Variants in GRTP1 observed in about 807,000 individuals in gnomAD.
GRTP1 encodes the protein growth hormone regulated TBC protein 1, also known as growth hormone-regulated TBC protein 1.
In GRTP1, 56 loss-of-function variants were observed where a neutral mutation model predicts 38.1. The observed-to-expected ratio is 1.47, with a 90% CI of 1.19 to 1.84. The LOEUF is 1.84. GRTP1 is among the 40% of genes most tolerant of loss of function. The pLI, the probability that GRTP1 is intolerant of heterozygous loss-of-function variation, is 0.00. For synonymous variants in GRTP1, 217 were observed against 189.5 expected, an observed-to-expected ratio of 1.14 and a Z score of -1.19; for missense variants, 506 against 453.9, an observed-to-expected ratio of 1.11 and a Z score of -1.04.
At chr13:113,332,604 C>T (rs933730132) in intron 5 of GRTP1, among the ~76,000 whole-genome samples, 13 of 152,370 alleles carry the variant, frequency 8.5e-5, no homozygotes, top group Middle Eastern at 6.8e-3. Flanking sequence ...AGATCCCACC[C>T]GACGGTCTTC....
chr13:113,326,085 T>C lies in GRTP1; in HGVS notation c.569A>G (p.Tyr190Cys). 1 of 1,608,106 alleles carries C rather than the reference T, an allele frequency of 6.2e-7. No individual in the cohort carries two copies. Among genetic ancestry groups the C allele is most frequent in the Non-Finnish European group, 8.5e-7 (1 of 1,179,850 alleles). ...CTTCAGGCCCAGCATGGCCGGGCTG[T>C]AGTAATCTGCCAGGCAATGTGGAGA... ...ALVGRILPDY[Y>C]SPAMLGLKTD... is the part of the protein sequence containing the mutation. The change falls in exon 6 of 8, where the codon TAC (tyrosine) becomes TGC (cysteine). Residue 190 changes from tyrosine to cysteine, a missense_variant. Coordinates refer to ENST00000375431, the MANE Select transcript of GRTP1 (RefSeq NM_024719.4).
intron 5 of GRTP1, among the ~76,000 whole-genome samples, chr13:113,331,132 AGGTGTGTGCATGGGAACCCG>A (rs1289489959): frequency 1.3e-5 from 2 of 151,996 alleles, no homozygotes; most frequent in Admixed American, 1.3e-4. Context: ...ACGAAAGCCT[AGGTGTGTGCATGGGAACCCG>A]GGTGTGTGCA....
chr13:113,326,853 TAGAA>T (rs1201959430), intron 5 of GRTP1, among the ~76,000 whole-genome samples: 2 of 152,046 alleles, frequency 1.3e-5, no homozygotes, highest in African/African-American at 2.4e-5. Context: ...TATTCAGCCT[TAGAA>T]AGGGAGGAAG....
chr13:113,346,094 ATCTGTGGCCG>A (rs1566429131), intron 4 of GRTP1, among the ~76,000 whole-genome samples: 1,206 of 55,700 alleles, frequency 0.022, 239 homozygotes, highest in African/African-American at 0.027. Context: ...CTGGGAAGAC[ATCTGTGGCCG>A]AGAACAGACC....
intron 7 of GRTP1, chr13:113,325,223 CTT>C: frequency 8.6e-7 from 1 of 1,158,434 alleles, no homozygotes; most frequent in African/African-American, 1.6e-5. Flanking sequence ...TCCACTCCCT[CTT>C]AGGAAACTAC....
rs374528768 is a variant in GRTP1 at position 113,346,316 on chromosome 13, G to A, written c.466-1357C>T. 1.1e-3 allele frequency among the ~76,000 whole-genome samples: 36 copies of A among 33,772 alleles called. 2 individuals carry two copies. Among genetic ancestry groups the A allele is most frequent in the African/African-American group, 1.7e-3 (13 of 7,574 alleles). 22.2% of individuals were successfully genotyped at this position (33,772 alleles called of 152,430 possible). ...TCTGGGAGGACCTCTGTGGCAGAGA[G>A]CAGACCCGGGAGGACCTCTGTGGCC... On this transcript the variant is annotated intron_variant, in intron 4 of 7. Transcript: ENST00000375431.
rs540512358 is a variant in GRTP1, at chr13:113,326,016, G to A, written c.638C>T (p.Pro213Leu). The change falls in exon 6 of 8, where the codon CCG becomes CTG. Residue 213 changes from proline to leucine, a missense_variant. Coordinates refer to ENST00000375431, the MANE Select transcript of GRTP1 (RefSeq NM_024719.4). ...ACGCTCCATCAGGGCCCCCACAGCC[G>A]GCAGCTTCGCCCGCACCAGCTCCCC... is the stretch of plus-strand genomic sequence containing the variant. ...VLGELVRAKL[P>L]AVGALMERLG... 22 of 1,612,844 alleles carry A rather than the reference G, an allele frequency of 1.4e-5. No individual in the cohort carries two copies. Among genetic ancestry groups the A allele is most frequent in the Middle Eastern group, 1.6e-4 (1 of 6,084 alleles).
intron 4 of GRTP1, among the ~76,000 whole-genome samples, chr13:113,346,155 TCTGTGCCTGACAGTGGACCCGGGAGGAC>T (rs2043115908): frequency 8.3e-5 from 12 of 144,920 alleles, no homozygotes; most frequent in African/African-American, 2.9e-4. Context: ...CGGGAGGACC[TCTGTGCCTGACAGTGGACCCGGGAGGAC>T]CTCTGTGGCT....
intron 3 of GRTP1, among the ~76,000 whole-genome samples, chr13:113,354,172 C>T (rs2139514227): frequency 6.6e-6 from 1 of 152,366 alleles, no homozygotes; most frequent in Non-Finnish European, 1.5e-5. Flanking sequence ...CCACCCACTG[C>T]ACCCAAGCTC....
At chr13:113,329,521 T>A (rs2042826418) in intron 5 of GRTP1, among the ~76,000 whole-genome samples, 1 of 152,104 alleles carries the variant, frequency 6.6e-6, no homozygotes, top group African/African-American at 2.4e-5. Flanking sequence ...GAGATGAAGG[T>A]TGCAGTGAGC....
chr13:113,352,362 A>ATATATATATATATTTATTTATATTT (rs71101572), intron 3 of GRTP1, among the ~76,000 whole-genome samples: 2 of 80,848 alleles, frequency 2.5e-5, no homozygotes, highest in African/African-American at 5.6e-5. Context: ...TATATATTTT[A>ATATATATATATATTTATTTATATTT]TATATATATA....
Position 113,342,682 on chromosome 13 carries a change from C to T in GRTP1, c.562+2181G>A, listed in dbSNP as rs911074601. Among the ~76,000 whole-genome samples, 11 of 152,102 alleles carry T rather than the reference C, an allele frequency of 7.2e-5. No homozygotes were observed. Among genetic ancestry groups the T allele is most frequent in the Middle Eastern group, 3.2e-3 (1 of 316 alleles). On this transcript the variant is annotated intron_variant, in intron 5 of 7. Coordinates refer to ENST00000375431, the MANE Select transcript of GRTP1 (RefSeq NM_024719.4). This position sits in a 1 kb window ranked among gnomAD's most constrained non-coding sequence, Gnocchi z 4.5. ...GAGCAGGATGACTGTGGCACTGAAACGACCTACTTCGGTCACTGTAACTTA... is the reference window on the plus strand; with the variant it reads ...GAGCAGGATGACTGTGGCACTGAAATGACCTACTTCGGTCACTGTAACTTA...
chr13:113,327,413 C>T (rs1366098552), intron 5 of GRTP1, among the ~76,000 whole-genome samples: 1 of 152,194 alleles, frequency 6.6e-6, no homozygotes, highest in Non-Finnish European at 1.5e-5. Context: ...CTCCTGACCT[C>T]ATGATCTGCC....
In GRTP1 at chr13:113,355,505, C is replaced by A. The variant is rs551192957; in HGVS notation, c.182-24G>T. 11 of 1,591,198 alleles carry A rather than the reference C, an allele frequency of 6.9e-6. No individual in the cohort carries two copies. In the Admixed American group the frequency reaches 8.5e-5, roughly 12 times the overall value. On this transcript the variant is annotated intron_variant, in intron 2 of 7. Coordinates refer to ENST00000375431, the MANE Select transcript of GRTP1 (RefSeq NM_024719.4). ...CACTGAAGGCCGAGAGGACGGACAGCGTGTGAGCTGGACCAGGGGCCTGCG... is the reference window on the plus strand; with the variant it reads ...CACTGAAGGCCGAGAGGACGGACAGAGTGTGAGCTGGACCAGGGGCCTGCG...
chr13:113,363,678 G>T, intron 2 of GRTP1, 84 bp downstream of exon 2: 2 of 1,389,814 alleles, frequency 1.4e-6, no homozygotes, highest in South Asian at 2.5e-5. Flanking sequence ...CCCTCCCTCC[G>T]CTCCGGGAGC....
intron 2 of GRTP1, 112 bp from the exon 3 acceptor site, chr13:113,355,593 A>G (rs1419210685): frequency 2.1e-5 from 27 of 1,282,130 alleles, no homozygotes; most frequent in Non-Finnish European, 2.7e-5. Context: ...TCAAATATTA[A>G]AGAGACCCAG....
chr13:113,335,410 G>C (rs576717812), intron 5 of GRTP1, among the ~76,000 whole-genome samples: 18 of 143,692 alleles, frequency 1.3e-4, no homozygotes, highest in African/African-American at 4.6e-4. Context: ...GAGACAGAGC[G>C]GGACTCTGTC....
intron 5 of GRTP1, among the ~76,000 whole-genome samples, chr13:113,327,458 G>A (rs1205544014): frequency 7.0e-5 from 10 of 143,450 alleles, no homozygotes; most frequent in African/African-American, 2.2e-4. Context: ...GATTACAGGC[G>A]TGAGCCACTG....
intron 5 of GRTP1, among the ~76,000 whole-genome samples, chr13:113,333,944 C>T (rs7992962): frequency 6.6e-6 from 1 of 151,088 alleles, no homozygotes; most frequent in African/African-American, 2.4e-5. Context: ...AAGCAACTCT[C>T]CTGCCTCAGC....
Sources: gnomAD v4.1 joint callset for allele counts (sites outside exome capture counted in the v4.1 genomes callset) on GRCh38, gnomAD v4.1.1 for gene constraint, Gnocchi (gnomAD v3.1) non-coding constraint, MANE v1.5 for transcripts, NCBI Gene and HGNC (gene_info 2026-07-23, HGNC 2026-07-21) for gene names.